PABPC4L: variants seen among roughly 807,000 people sequenced by gnomAD.
The protein encoded by PABPC4L is poly(A) binding protein cytoplasmic 4 like, also known as polyadenylate-binding protein 4-like.
For synonymous variants in PABPC4L, 169 were observed against 164.1 expected (o/e 1.03, Z -0.23); for missense variants, 452 against 451.4 (o/e 1.00, Z -0.01).
the PABPC4L span, among the ~76,000 whole-genome samples, chr4:134,174,252 C>T: frequency 6.6e-6 from 1 of 151,544 alleles, no homozygotes; most frequent in Admixed American, 6.6e-5. Flanking sequence ...TGAAATAACT[C>T]CTGAAGGAAT....
At chr4:134,109,698 G>A in the PABPC4L span, among the ~76,000 whole-genome samples, 1 of 151,350 alleles carries the variant, frequency 6.6e-6, no homozygotes, top group African/African-American at 2.4e-5. Context: ...ATCACAAGGA[G>A]AATCTTGATA....
chr4:134,103,973 T>C, the PABPC4L span, among the ~76,000 whole-genome samples: 4 of 151,868 alleles, frequency 2.6e-5, no homozygotes, highest in East Asian at 3.9e-4. Context: ...GGATCACCTA[T>C]AGCATTCATT....
chr4:133,986,007 C>A, the PABPC4L span, among the ~76,000 whole-genome samples: 1 of 151,918 alleles, frequency 6.6e-6, no homozygotes, highest in Admixed American at 6.6e-5. Flanking sequence ...TTATATTGTA[C>A]ACATCGAGAA....
the PABPC4L span, among the ~76,000 whole-genome samples, chr4:134,069,116 G>A: frequency 1.3e-5 from 2 of 151,958 alleles, no homozygotes; most frequent in Non-Finnish European, 2.9e-5. Context: ...TTAAATTCTT[G>A]GTTGGAATTT....
At chr4:134,137,038 C>T in the PABPC4L span, among the ~76,000 whole-genome samples, 1 of 151,940 alleles carries the variant, frequency 6.6e-6, no homozygotes. Context: ...GTAAAAATAT[C>T]TGTACTGGAG....
the PABPC4L span, among the ~76,000 whole-genome samples, chr4:134,078,940 T>C: frequency 2.0e-5 from 3 of 150,386 alleles, no homozygotes; most frequent in Non-Finnish European, 4.4e-5. Flanking sequence ...AGTACTGGGA[T>C]TACAGGCGTG....
chr4:134,200,111 G>A lies in PABPC4L; in HGVS notation c.909C>T (p.Thr303=), dbSNP rs1172847607. ...VKLYIKNLDD[T]IDDEKLRNEF... is the part of the protein sequence containing the mutation. ...CGTTTCGTAGTTTTTCATCATCGAT[G>A]GTGTCATCAAGGTTCTTAATATAGA... Residue 303 remains threonine (T), a synonymous_variant, in exon 2 of 2, where the codon ACC becomes ACT. Transcript: ENST00000421491. 6.4e-7 allele frequency: 1 copy of A among 1,551,574 alleles called. No homozygotes were observed. Among genetic ancestry groups the A allele is most frequent in the East Asian group, 2.4e-5 (1 of 40,904 alleles).
the PABPC4L span, among the ~76,000 whole-genome samples, chr4:133,954,397 G>A: frequency 6.6e-6 from 1 of 152,116 alleles, no homozygotes; most frequent in African/African-American, 2.4e-5. Flanking sequence ...TTTACATAGA[G>A]AATTAAAACT....
the PABPC4L span, among the ~76,000 whole-genome samples, chr4:133,963,342 A>G: frequency 1.3e-5 from 2 of 152,180 alleles, no homozygotes; most frequent in Non-Finnish European, 2.9e-5. Context: ...AATTTATAAA[A>G]CAATTACTAA....
the PABPC4L span, among the ~76,000 whole-genome samples, chr4:134,021,003 G>C: frequency 6.6e-6 from 1 of 152,010 alleles, no homozygotes. Context: ...AAAGTGAAAA[G>C]CTTGTTCTTC....
the PABPC4L span, among the ~76,000 whole-genome samples, chr4:134,086,774 G>T: frequency 1.6e-5 from 2 of 126,290 alleles, no homozygotes; most frequent in Non-Finnish European, 1.7e-5. Flanking sequence ...CTTTTTCTTT[G>T]TTTGTTTGTT....
the PABPC4L span, among the ~76,000 whole-genome samples, chr4:133,951,604 G>A: frequency 2.6e-5 from 4 of 152,044 alleles, no homozygotes; most frequent in Non-Finnish European, 5.9e-5. Flanking sequence ...CTGACCCCAG[G>A]TTTGAGTGAA....
chr4:134,201,398 G>C (rs984084880), intron 1 of PABPC4L, among the ~76,000 whole-genome samples, 153 bp from the exon 2 acceptor site: 2 of 152,166 alleles, frequency 1.3e-5, no homozygotes, highest in Non-Finnish European at 2.9e-5. Flanking sequence ...CTCGCTCAGA[G>C]TGGTTTAAAG....
chr4:134,077,875 T>G, the PABPC4L span, among the ~76,000 whole-genome samples: 10 of 152,284 alleles, frequency 6.6e-5, no homozygotes, highest in South Asian at 2.1e-3. Flanking sequence ...GCTTCGGCAA[T>G]CAATTAAATA....
the PABPC4L span, among the ~76,000 whole-genome samples, chr4:134,059,261 A>T: frequency 1.3e-5 from 2 of 151,814 alleles, no homozygotes; most frequent in African/African-American, 4.8e-5. Flanking sequence ...CCATGTACAT[A>T]CATCTCCAAA....
At chr4:134,131,714 CAAAAAAA>C in the PABPC4L span, among the ~76,000 whole-genome samples, 1 of 10,670 alleles carries the variant, frequency 9.4e-5, no homozygotes, top group Non-Finnish European at 1.6e-4. Context: ...CCTGTGAAAC[CAAAAAAA>C]AAAAAAAAAA....
the PABPC4L span, among the ~76,000 whole-genome samples, chr4:133,997,880 T>A: frequency 6.6e-6 from 1 of 152,164 alleles, no homozygotes; most frequent in Non-Finnish European, 1.5e-5. Context: ...TTGTCTTATC[T>A]TTTAATTTTT....
chr4:134,050,373 A>G, the PABPC4L span, among the ~76,000 whole-genome samples: 1 of 152,132 alleles, frequency 6.6e-6, no homozygotes, highest in Non-Finnish European at 1.5e-5. Flanking sequence ...AATCGCTGCC[A>G]TATTTAAAGC....
chr4:134,165,466 G>A, the PABPC4L span, among the ~76,000 whole-genome samples: 1 of 152,020 alleles, frequency 6.6e-6, no homozygotes, highest in Non-Finnish European at 1.5e-5. Flanking sequence ...CCCCTCAAAA[G>A]GTGAGCAGAT....
Sources: allele counts gnomAD v4.1 joint callset (sites outside exome capture counted in the v4.1 genomes callset), GRCh38; gene constraint gnomAD v4.1.1; transcripts MANE v1.5; gene names NCBI Gene and HGNC (gene_info 2026-07-23, HGNC 2026-07-21).